Variants in BCAT2 observed in about 807,000 individuals in gnomAD.
The protein encoded by BCAT2 is branched-chain-amino-acid aminotransferase, mitochondrial.
A neutral mutation model predicts 52.9 loss-of-function variants in BCAT2; 44 were observed. The observed-to-expected ratio is 0.83, with a 90% CI of 0.65 to 1.07. The LOEUF (loss-of-function observed/expected upper bound fraction) is 1.07. BCAT2 is among the 50% of genes least tolerant of loss of function. The probability of loss-of-function intolerance (pLI) is 0.00; values close to 1 mark genes in which losing one functional copy is unlikely to be tolerated. For synonymous variants in BCAT2, 215 were observed against 217.1 expected (o/e 0.99, Z 0.08); for missense variants, 478 against 521.8 (o/e 0.92, Z 0.82).
At position 48,796,673 on chromosome 19, in the gene BCAT2, G is replaced by A. The variant is rs1160737128; in HGVS notation, c.970C>T (p.Leu324=). 4 of 1,613,570 alleles carry A rather than the reference G, an allele frequency of 2.5e-6. No homozygotes were observed. The highest frequency in any genetic ancestry group is 1.7e-5 in the Admixed American group (1 of 60,010). Residue 324 remains leucine (L), a synonymous_variant, in exon 9 of 11, where the codon CTG becomes TTG. Coordinates refer to ENST00000316273, the MANE Select transcript of BCAT2 (RefSeq NM_001190.4). ...ACGCGGCCCTCCTCCAGGGCCCGCA[G>A]CAACTGCTTCATGGTGATCGTGCGC... is the stretch of plus-strand genomic sequence containing the variant. ...VERTITMKQL[L]RALEEGRVRE...
chr19:48,802,179 C>A (rs1389983582), intron 3 of BCAT2, among the ~76,000 whole-genome samples: 1 of 151,986 alleles, frequency 6.6e-6, no homozygotes, highest in African/African-American at 2.4e-5. Flanking sequence ...GAGAAAAATG[C>A]AAATTAAAAT....
At position 48,797,239 on chromosome 19, in the gene BCAT2, C is replaced by T. The variant is rs767653663; in HGVS notation, c.790G>A (p.Glu264Lys). ...ACAAAGATGTTCATGGTTCCCACCTCGGTGAGCTGGTGGTCGGGCCCATAC... is the reference window on the plus strand; with the variant it reads ...ACAAAGATGTTCATGGTTCCCACCTTGGTGAGCTGGTGGTCGGGCCCATAC... The part of the protein sequence containing the change: ...WLYGPDHQLT[E>K]VGTMNIFVYW... Residue 264 changes from glutamate to lysine, a missense_variant, in exon 7 of 11, where the codon GAG (glutamate) becomes AAG (lysine). Physicochemically the swap from Glu to Lys is moderately conservative, Grantham distance 56. Coordinates refer to ENST00000316273, the MANE Select transcript of BCAT2 (RefSeq NM_001190.4). 1.2e-5 allele frequency: 20 copies of T among 1,613,878 alleles called. No homozygotes were observed. Among genetic ancestry groups the T allele is most frequent in the Middle Eastern group, 1.7e-4 (1 of 6,060 alleles).
At chr19:48,809,210 G>A (rs1024925849) in intron 1 of BCAT2, among the ~76,000 whole-genome samples, 1 of 151,778 alleles carries the variant, frequency 6.6e-6, no homozygotes, top group Non-Finnish European at 1.5e-5. Flanking sequence ...AGGTTACAGT[G>A]AGCCGAGATC....
At chr19:48,796,782 T>C in intron 8 of BCAT2, 64 bp from the exon 9 acceptor site, 2 of 1,589,752 alleles carry the variant, frequency 1.3e-6, no homozygotes, top group Non-Finnish European at 1.7e-6. Flanking sequence ...CCTCCACCTC[T>C]CCCTCCCTGA....
In BCAT2 at chr19:48,800,220, C is replaced by T. The variant is rs1168576474; in HGVS notation, c.378G>A (p.Arg126=). The T allele has an allele frequency of 1.2e-6, 2 of 1,613,856 alleles. No individual in the cohort carries two copies. Among genetic ancestry groups the T allele is most frequent in the East Asian group, 2.2e-5 (1 of 44,864 alleles). The change falls in exon 4 of 11, where the codon CGG becomes CGA. Residue 126 remains arginine (R), a synonymous_variant. Coordinates refer to ENST00000316273, the MANE Select transcript of BCAT2 (RefSeq NM_001190.4). Reference sequence around the variant, plus strand: ...ACAGGCGCATGGCTGAGCGCAGCATCCGGTCCATGTTGAGCCAGGGGCGGA... The same window carrying T: ...ACAGGCGCATGGCTGAGCGCAGCATTCGGTCCATGTTGAGCCAGGGGCGGA... ...RLFRPWLNMD[R]MLRSAMRLCL...
intron 2 of BCAT2, 103 bp from the exon 3 acceptor site, chr19:48,806,820 C>A: frequency 6.9e-7 from 1 of 1,455,882 alleles, no homozygotes; most frequent in South Asian, 1.2e-5. Flanking sequence ...AGAAGAAGGA[C>A]CTGTCACCCT....
At chr19:48,804,306 G>C (rs745732393) in intron 3 of BCAT2, among the ~76,000 whole-genome samples, 3 of 152,078 alleles carry the variant, frequency 2.0e-5, no homozygotes, top group Non-Finnish European at 2.9e-5. Flanking sequence ...CACTTTGGGA[G>C]GCTGAGGTGG....
At chr19:48,797,535 C>A (rs1176158994) in intron 6 of BCAT2, 1 of 614,058 alleles carries the variant, frequency 1.6e-6, no homozygotes, top group East Asian at 2.9e-5. Flanking sequence ...CCTGTCTCTT[C>A]CCACTTTTCT....
chr19:48,808,264 T>C (rs150454672), intron 1 of BCAT2: 18,213 of 984,292 alleles, frequency 0.019, 198 homozygotes, highest in Non-Finnish European at 0.021. Flanking sequence ...ACACCCACAG[T>C]ATGAGAGACA....
At chr19:48,805,412 C>T (rs2034745393) in intron 3 of BCAT2, among the ~76,000 whole-genome samples, 1 of 152,030 alleles carries the variant, frequency 6.6e-6, no homozygotes. Flanking sequence ...CATGGCCCTG[C>T]CCCTCCCTTC....
intron 1 of BCAT2, chr19:48,808,077 T>C (rs1327265522): frequency 6.1e-6 from 6 of 987,340 alleles, no homozygotes; most frequent in Non-Finnish European, 4.8e-6. Flanking sequence ...TGGACGTGAA[T>C]GGGCGTGGTC....
chr19:48,808,514 T>A (rs973950297), intron 1 of BCAT2, among the ~76,000 whole-genome samples: 2 of 151,874 alleles, frequency 1.3e-5, no homozygotes, highest in African/African-American at 2.4e-5. Flanking sequence ...CCCAGCACTG[T>A]GGGAGGCCGA....
At position 48,799,372 on chromosome 19, in the gene BCAT2, T is replaced by C. The variant is rs1039105854; in HGVS notation, c.695+303A>G. 5 of 310,474 alleles carry C rather than the reference T, an allele frequency of 1.6e-5. No homozygotes were observed. Among genetic ancestry groups the C allele is most frequent in the Non-Finnish European group, 2.9e-5 (5 of 170,554 alleles). The allele number at this position is 310,474 out of a possible 1,614,324, so 19.2% of individuals were successfully genotyped here. A position where few individuals can be genotyped will look rare whatever the true frequency, so the allele number is the denominator to read the frequency against. On this transcript the variant is annotated intron_variant, in intron 6 of 10. Transcript: ENST00000316273. This position sits in a 1 kb window ranked among gnomAD's most constrained non-coding sequence, Gnocchi z 5.5. ...GGAGGCTTCTGGGGCGAGAAGCCAA[T>C]GAGCTGAGTGTAAGCTTCACTCCTG... is the stretch of plus-strand genomic sequence containing the variant.
intron 1 of BCAT2, chr19:48,808,382 G>T: frequency 4.9e-6 from 2 of 409,690 alleles, no homozygotes; most frequent in Non-Finnish European, 6.5e-6. Flanking sequence ...AAGAAACACA[G>T]AAAGGGGCGC....
rs750400501 is a variant in BCAT2, at chr19:48,796,990, C to T, written c.871G>A (p.Val291Ile). The T allele has an allele frequency of 1.3e-5, 21 of 1,614,090 alleles. No homozygotes were observed. Among genetic ancestry groups the T allele is most frequent in the Admixed American group, 5.0e-5 (3 of 60,010 alleles). The change falls in exon 8 of 11, where the codon GTT becomes ATT. Residue 291 changes from valine to isoleucine, a missense_variant. By Grantham distance (29) the Val-to-Ile change is conservative. Transcript: ENST00000316273. ...LELVTPPLNG[V>I]ILPGVVRQSL... ...TGTCTGACCACTCCAGGCAGGATAA[C>T]ACCATTCAGCGGGGGCGTCACCAGC...
chr19:48,796,980 G>A lies in BCAT2; in HGVS notation c.881C>T (p.Pro294Leu). ...VTPPLNGVIL[P>L]GVVRQSLLDM... ...CAGTAGACTCTGTCTGACCACTCCA[G>A]GCAGGATAACACCATTCAGCGGGGG... The change falls in exon 8 of 11, where the codon CCT becomes CTT. Residue 294 changes from proline to leucine, a missense_variant. Physicochemically the swap from Pro to Leu is moderately conservative, Grantham distance 98. Transcript: ENST00000316273. 6.2e-7 allele frequency: 1 copy of A among 1,614,188 alleles called. No homozygotes were observed. Among genetic ancestry groups the A allele is most frequent in the Non-Finnish European group, 8.5e-7 (1 of 1,180,024 alleles).
chr19:48,810,945 G>C (rs370553628), intron 1 of BCAT2, 39 bp downstream of exon 1: 1 of 1,602,948 alleles, frequency 6.2e-7, no homozygotes, highest in South Asian at 1.1e-5. Context: ...CGCCTCCCCC[G>C]GTTATTTCCC....
chr19:48,796,054 GCA>G, intron 10 of BCAT2: 1 of 418,142 alleles, frequency 2.4e-6, no homozygotes. Context: ...TCCCACCAGG[GCA>G]CCCGGGGCAG....
Position 48,799,931 on chromosome 19 carries a change from C to A in BCAT2, c.531+50G>T. ...CCTCCAGGACCCCACCCCTGCCCTG[C>A]AGAATCCAACCCCCGCAGCCCAGCT... On this transcript the variant is annotated intron_variant, in intron 5 of 10. Transcript: ENST00000316273. The surrounding 1 kb of genome is among the most constrained non-coding windows in gnomAD (Gnocchi z 5.5). 3.1e-6 allele frequency: 5 copies of A among 1,608,214 alleles called. No homozygotes were observed. In the South Asian group the frequency reaches 4.4e-5, roughly 14 times the overall value.
Sources: gnomAD v4.1 joint callset for allele counts (sites outside exome capture counted in the v4.1 genomes callset) on GRCh38, gnomAD v4.1.1 for gene constraint, Gnocchi (gnomAD v3.1) non-coding constraint, MANE v1.5 for transcripts, NCBI Gene and HGNC (gene_info 2026-07-23, HGNC 2026-07-21) for gene names.